PRMT9: variants seen among roughly 807,000 people sequenced by gnomAD.
PRMT9 encodes protein arginine methyltransferase 9.
Under a neutral mutation model 83.2 loss-of-function variants are expected in PRMT9, and 59 were observed. The ratio of observed to expected loss-of-function variants is 0.71; its 90% confidence interval spans 0.57 to 0.88. PRMT9 has a LOEUF of 0.88. Ranked by LOEUF, PRMT9 falls within the 40% of genes least tolerant of loss-of-function variation. The pLI, the probability that PRMT9 is intolerant of heterozygous loss-of-function variation, is 0.00. For synonymous variants in PRMT9, 333 were observed against 353.2 expected, an observed-to-expected ratio of 0.94 and a Z score of 0.64; for missense variants, 947 against 1,021.9, an observed-to-expected ratio of 0.93 and a Z score of 1.00.
chr4:147,650,918 C>T lies in PRMT9; in HGVS notation c.2045+2934G>A, dbSNP rs533254642. ...GAGATCGAGACCATCCTGGCTAACA[C>T]GGTGAAACCCCGTCTCTATTAAAAA... On this transcript the variant is annotated intron_variant, in intron 9 of 11. Transcript: ENST00000322396. Among the ~76,000 whole-genome samples, 32 of 152,206 alleles carry T rather than the reference C, an allele frequency of 2.1e-4. 1 individual carries two copies. The highest frequency in any genetic ancestry group is 8.3e-4 in the South Asian group (4 of 4,816).
intron 10 of PRMT9, 144 bp from the exon 11 acceptor site, chr4:147,639,226 C>T (rs1161357679): frequency 1.4e-6 from 1 of 700,746 alleles, no homozygotes; most frequent in Non-Finnish European, 2.4e-6. Flanking sequence ...TTTACATTAC[C>T]TCCTTTATAT....
At chr4:147,665,914 TTGTA>T (rs1735299692) in intron 6 of PRMT9, among the ~76,000 whole-genome samples, 1 of 152,236 alleles carries the variant, frequency 6.6e-6, no homozygotes, top group Admixed American at 6.5e-5. Context: ...GTGAACATCC[TTGTA>T]CACACATCAC....
At chr4:147,641,537 C>T (rs932768994) in intron 10 of PRMT9, among the ~76,000 whole-genome samples, 1 of 152,200 alleles carries the variant, frequency 6.6e-6, no homozygotes, top group African/African-American at 2.4e-5. Flanking sequence ...TTTATGTCCA[C>T]AGCACTTCTC....
chr4:147,668,774 G>A (rs1735531159), intron 5 of PRMT9, 129 bp from the exon 6 acceptor site: 2 of 661,966 alleles, frequency 3.0e-6, no homozygotes, highest in African/African-American at 3.7e-5. Context: ...TAAGTTAAAG[G>A]TTTTTTTTTC....
chr4:147,638,571 C>T lies in PRMT9; in HGVS notation c.2499G>A (p.Gln833=). The change falls in exon 12 of 12, where the codon CAG becomes CAA. Residue 833 remains glutamine (Q), a synonymous_variant. Transcript: ENST00000322396. ...TGATGCTGACATTGCTTTTGTGATG[C>T]TGAATGCTGAGTACAAGTTCCTCTC... ...EMGEELVLSI[Q]HHKSNVSITV... 1 of 1,613,852 alleles carries T rather than the reference C, an allele frequency of 6.2e-7. No individual in the cohort carries two copies. Among genetic ancestry groups the T allele is most frequent in the East Asian group, 2.2e-5 (1 of 44,832 alleles).
At chr4:147,677,615 G>A (rs1039159333) in intron 2 of PRMT9, among the ~76,000 whole-genome samples, 8 of 151,552 alleles carry the variant, frequency 5.3e-5, no homozygotes, top group East Asian at 1.9e-4. Context: ...CACCACACCC[G>A]TTTACTTTTT....
chr4:147,672,227 T>C (rs2654941), intron 4 of PRMT9, among the ~76,000 whole-genome samples: 131,255 of 152,272 alleles, frequency 0.86, 58,794 homozygotes, highest in Non-Finnish European at 0.98. Flanking sequence ...TAAATACTAT[T>C]ATATGTATGG....
At chr4:147,640,745 G>A (rs1277472523) in intron 10 of PRMT9, among the ~76,000 whole-genome samples, 2 of 152,198 alleles carry the variant, frequency 1.3e-5, no homozygotes, top group Admixed American at 6.5e-5. Context: ...TTAGAGACAG[G>A]GTCAGTCTTG....
At position 147,663,230 on chromosome 4, in the gene PRMT9, G is replaced by C. The variant is rs182612721; in HGVS notation, c.954-2192C>G. Among the ~76,000 whole-genome samples, 837 of 151,686 alleles carry C rather than the reference G, an allele frequency of 5.5e-3. 8 individuals are homozygous for C. Among genetic ancestry groups the C allele is most frequent in the African/African-American group, 0.019 (796 of 41,330 alleles). On this transcript the variant is annotated intron_variant, in intron 6 of 11. Transcript: ENST00000322396. ...TCACCATGTTAGCCAGGATGGTCTC[G>C]ATCTCCTGGCCTCATGATCCGCCCG...
chr4:147,668,222 T>A (rs1370342014), intron 6 of PRMT9, among the ~76,000 whole-genome samples: 19 of 152,204 alleles, frequency 1.2e-4, no homozygotes. Flanking sequence ...GGGAAGTGAC[T>A]GGATTATGAG....
At chr4:147,648,325 A>G (rs1205293624) in intron 9 of PRMT9, among the ~76,000 whole-genome samples, 1 of 152,174 alleles carries the variant, frequency 6.6e-6, no homozygotes, top group Non-Finnish European at 1.5e-5. Context: ...CAATGATGTA[A>G]TCAGTCATGC....
At chr4:147,677,043 CAAAA>C (rs1176356042) in intron 2 of PRMT9, among the ~76,000 whole-genome samples, 6 of 56,574 alleles carry the variant, frequency 1.1e-4, no homozygotes, top group African/African-American at 3.2e-4. Context: ...GACTCCGTCT[CAAAA>C]AAAAAAAAAA....
rs1560962912 is a variant in PRMT9, at chr4:147,640,092, A to ATTTTTTTTT, written c.2200-1011_2200-1010insAAAAAAAAA. On this transcript the variant is annotated intron_variant, in intron 10 of 11. Transcript: ENST00000322396. ...TTTTTTTTTTTTTTTTTTTTTTTTA[A>ATTTTTTTTT]TATAGGGTCTCACTCTGTTCCCCAG... Among the ~76,000 whole-genome samples the ATTTTTTTTT allele has an allele frequency of 2.0e-3, 138 of 70,380 alleles. 50 individuals are homozygous for ATTTTTTTTT. Among genetic ancestry groups the ATTTTTTTTT allele is most frequent in the Non-Finnish European group, 2.2e-3 (88 of 40,048 alleles). 46.2% of individuals were successfully genotyped at this position (70,380 alleles called of 152,430 possible). A position where few individuals can be genotyped will look rare whatever the true frequency, so the allele number is the denominator to read the frequency against.
At chr4:147,670,819 G>C in intron 4 of PRMT9, 76 bp from the exon 5 acceptor site, 1 of 925,352 alleles carries the variant, frequency 1.1e-6, no homozygotes, top group East Asian at 2.5e-5. Context: ...GCTGAGAGGA[G>C]AAAGGAAGAG....
chr4:147,639,350 T>G (rs917459309), intron 10 of PRMT9: 8 of 380,682 alleles, frequency 2.1e-5, no homozygotes, highest in African/African-American at 4.1e-5. Context: ...TTCCATTACC[T>G]GTAGATCTTT....
chr4:147,655,357 C>G (rs1307804606), intron 8 of PRMT9, among the ~76,000 whole-genome samples: 1 of 151,320 alleles, frequency 6.6e-6, no homozygotes, highest in African/African-American at 2.4e-5. Context: ...GAGATGAGGT[C>G]TTGCTATTTT....
At chr4:147,679,369 C>CT (rs1736305279) in intron 2 of PRMT9, among the ~76,000 whole-genome samples, 1 of 151,920 alleles carries the variant, frequency 6.6e-6, no homozygotes. Context: ...TCACCAGAGC[C>CT]TGGGAGGTCA....
At chr4:147,667,592 A>G (rs1735427660) in intron 6 of PRMT9, among the ~76,000 whole-genome samples, 1 of 152,230 alleles carries the variant, frequency 6.6e-6, no homozygotes, top group South Asian at 2.1e-4. Context: ...GAAAAAGAGT[A>G]AAGGAATATA....
intron 7 of PRMT9, 108 bp from the exon 8 acceptor site, chr4:147,658,083 T>C: frequency 2.6e-6 from 2 of 773,710 alleles, no homozygotes; most frequent in Non-Finnish European, 4.4e-6. Flanking sequence ...CCCAGCTCCC[T>C]TAGGGATTCA....
Sources: allele counts gnomAD v4.1 joint callset (sites outside exome capture counted in the v4.1 genomes callset), GRCh38; gene constraint gnomAD v4.1.1; transcripts MANE v1.5; gene names NCBI Gene and HGNC (gene_info 2026-07-23, HGNC 2026-07-21).